GLUD1: variants seen among roughly 807,000 people sequenced by gnomAD.
GLUD1 encodes the protein glutamate dehydrogenase 1, mitochondrial.
Under a neutral mutation model 56.0 loss-of-function variants are expected in GLUD1, and 22 were observed. That is an observed-to-expected ratio of 0.39 (90% CI 0.28 to 0.56). The LOEUF is 0.56. GLUD1 is among the 20% of genes least tolerant of loss of function. GLUD1 has a pLI of 0.58. For synonymous variants in GLUD1, 223 were observed against 269.9 expected (o/e 0.83, Z 1.70); for missense variants, 451 against 732.0 (o/e 0.62, Z 4.43).
chr10:87,053,454 G>C, intron 11 of GLUD1, 50 bp from the exon 12 acceptor site: 1 of 1,159,592 alleles, frequency 8.6e-7, no homozygotes, highest in South Asian at 1.2e-5. Flanking sequence ...GACCTGCTTT[G>C]TGTCCCTGTA....
At position 87,051,592 on chromosome 10, in the gene GLUD1, T is replaced by C. The variant is rs763189776; in HGVS notation, c.*159A>G. ...TACATGATCCGCTAACCTTAATTTC[T>C]TTCTCCTTAACGGGCTGACTTGGAT... On this transcript the variant is annotated 3_prime_UTR_variant, in exon 13 of 13. Transcript: ENST00000277865. 2 of 857,510 alleles carry C rather than the reference T, an allele frequency of 2.3e-6. No homozygotes were observed. The highest frequency in any genetic ancestry group is 4.0e-6 in the Non-Finnish European group (2 of 496,982). 53.1% of individuals were successfully genotyped at this position (857,510 alleles called of 1,614,324 possible).
chr10:87,094,069 A>G lies in GLUD1; in HGVS notation c.445+256T>C. On this transcript the variant is annotated intron_variant, in intron 1 of 12. Transcript: ENST00000277865. The surrounding 1 kb of genome is among the most constrained non-coding windows in gnomAD (Gnocchi z 6.6). ...GAGACCGGTGCAGCGTCTACTCTGC[A>G]TGCAAGATCAGCATATACAGAGGCC... 1.3e-6 allele frequency: 2 copies of G among 1,515,960 alleles called. No individual in the cohort carries two copies. Among genetic ancestry groups the G allele is most frequent in the Non-Finnish European group, 1.8e-6 (2 of 1,134,508 alleles). The allele number at this position is 1,515,960 out of a possible 1,614,324, so 93.9% of individuals were successfully genotyped here. A position where few individuals can be genotyped will look rare whatever the true frequency, so the allele number is the denominator to read the frequency against.
chr10:87,058,399 G>A (rs1845843636), intron 10 of GLUD1, among the ~76,000 whole-genome samples: 1 of 152,172 alleles, frequency 6.6e-6, no homozygotes, highest in Admixed American at 6.5e-5. Flanking sequence ...GCTGAGTACA[G>A]AAGCTCAGTA....
At chr10:87,092,207 G>C (rs916161705) in intron 1 of GLUD1, among the ~76,000 whole-genome samples, 4 of 152,168 alleles carry the variant, frequency 2.6e-5, no homozygotes, top group African/African-American at 9.6e-5. Context: ...CTGATCATCT[G>C]TTTAGTATAC....
intron 3 of GLUD1, among the ~76,000 whole-genome samples, 182 bp from the exon 4 acceptor site, chr10:87,074,796 A>T (rs1328136519): frequency 1.3e-5 from 2 of 152,216 alleles, no homozygotes; most frequent in Admixed American, 1.3e-4. Flanking sequence ...TCAAAAAAGT[A>T]GGTTATAAAA....
At position 87,060,721 on chromosome 10, in the gene GLUD1, C is replaced by T. The variant is rs1282940205; in HGVS notation, c.1164G>A (p.Leu388=). Residue 388 remains leucine (L), a synonymous_variant, in exon 8 of 13, where the codon TTG becomes TTA. Transcript: ENST00000277865. Reference sequence around the variant, plus strand: ...TGACTCTGGGTGCGTTGGATTTGGTCAACTGCTTCTCACTGGCAGCTGGGA... The same window carrying T: ...TGACTCTGGGTGCGTTGGATTTGGTTAACTGCTTCTCACTGGCAGCTGGGA... The part of the protein sequence containing the change: ...ILIPAASEKQ[L]TKSNAPRVKA... 1 of 1,614,126 alleles carries T rather than the reference C, an allele frequency of 6.2e-7. No individual in the cohort carries two copies. The highest frequency in any genetic ancestry group is 1.1e-5 in the South Asian group (1 of 91,076).
chr10:87,055,302 A>T (rs1434961591), intron 11 of GLUD1, among the ~76,000 whole-genome samples: 1 of 152,096 alleles, frequency 6.6e-6, no homozygotes, highest in African/African-American at 2.4e-5. Flanking sequence ...TAAGTTAGAT[A>T]AGGAGGGAAG....
At chr10:87,061,779 C>T (rs375325387) in intron 6 of GLUD1, among the ~76,000 whole-genome samples, 1 of 150,816 alleles carries the variant, frequency 6.6e-6, no homozygotes, top group East Asian at 2.0e-4. Context: ...TCATGCCCAG[C>T]TAATTTTTCT....
chr10:87,062,152 A>C (rs973988988), intron 6 of GLUD1, among the ~76,000 whole-genome samples: 1 of 152,122 alleles, frequency 6.6e-6, no homozygotes, highest in Non-Finnish European at 1.5e-5. Flanking sequence ...TCCTGGCCTC[A>C]AGTGATCCAC....
chr10:87,092,962 A>G (rs778060576), intron 1 of GLUD1, among the ~76,000 whole-genome samples: 6 of 152,216 alleles, frequency 3.9e-5, no homozygotes, highest in Non-Finnish European at 8.8e-5. Context: ...ATTTTATACA[A>G]TTTTGAAGCT....
In GLUD1 at chr10:87,079,537, G is replaced by A. The variant is rs1381123854; in HGVS notation, c.446-2881C>T. 8.5e-5 allele frequency among the ~76,000 whole-genome samples: 13 copies of A among 152,234 alleles called. No individual in the cohort carries two copies. In the East Asian group the frequency reaches 2.3e-3, roughly 27 times the overall value. On this transcript the variant is annotated intron_variant, in intron 1 of 12. Transcript: ENST00000277865. ...TAAGTAATACCACATATTATTTAAT[G>A]ATAACTACACTAAGCCAGGGAAATG...
intron 1 of GLUD1, among the ~76,000 whole-genome samples, chr10:87,086,533 G>GA (rs1841385384): frequency 6.6e-6 from 1 of 152,118 alleles, no homozygotes; most frequent in East Asian, 1.9e-4. Context: ...AACATAAAAG[G>GA]AAAAAATTGG....
chr10:87,075,452 T>C (rs1009773443), intron 3 of GLUD1, among the ~76,000 whole-genome samples: 1 of 152,128 alleles, frequency 6.6e-6, no homozygotes, highest in African/African-American at 2.4e-5. Context: ...CAGAAAATGA[T>C]AAAGGATATA....
intron 11 of GLUD1, among the ~76,000 whole-genome samples, chr10:87,053,881 T>A (rs143965078): frequency 6.6e-6 from 1 of 152,218 alleles, no homozygotes; most frequent in African/African-American, 2.4e-5. Flanking sequence ...ATCTATTCAG[T>A]AGTGCCAGCA....
intron 10 of GLUD1, among the ~76,000 whole-genome samples, chr10:87,058,829 T>C (rs756577283): frequency 6.6e-6 from 1 of 151,890 alleles, no homozygotes; most frequent in Non-Finnish European, 1.5e-5. Context: ...AGGCGGAGGC[T>C]ACAGTAAGCC....
At chr10:87,054,009 G>A (rs1439212108) in intron 11 of GLUD1, among the ~76,000 whole-genome samples, 1 of 141,668 alleles carries the variant, frequency 7.1e-6, no homozygotes, top group Admixed American at 7.2e-5. Flanking sequence ...TATGACTCAG[G>A]GCCTCCACCA....
rs1343476542 is a variant in GLUD1 at position 87,051,600 on chromosome 10, T to A, written c.*151A>T. 4.4e-6 allele frequency: 4 copies of A among 902,574 alleles called. No individual in the cohort carries two copies. Among genetic ancestry groups the A allele is most frequent in the Non-Finnish European group, 7.5e-6 (4 of 534,870 alleles). The allele number at this position is 902,574 out of a possible 1,614,324, so 55.9% of individuals were successfully genotyped here. A position where few individuals can be genotyped will look rare whatever the true frequency, so the allele number is the denominator to read the frequency against. On this transcript the variant is annotated 3_prime_UTR_variant, in exon 13 of 13. Transcript: ENST00000277865. ...CCGCTAACCTTAATTTCTTTCTCCT[T>A]AACGGGCTGACTTGGATTGACTTGT...
At chr10:87,067,639 T>C (rs9420431) in intron 5 of GLUD1, 41,755 of 191,568 alleles carry the variant, frequency 0.22, 5,758 homozygotes, top group East Asian at 0.67. Context: ...ATTCTACCCA[T>C]TTTCAAGGTC....
intron 10 of GLUD1, 36 bp from the exon 11 acceptor site, chr10:87,057,818 ACAG>A: frequency 3.1e-6 from 3 of 975,320 alleles, no homozygotes; most frequent in Admixed American, 1.9e-5. Flanking sequence ...GATATTGCTA[ACAG>A]AAAAAAAAAA....
Sources: allele counts gnomAD v4.1 joint callset (sites outside exome capture counted in the v4.1 genomes callset), GRCh38; gene constraint gnomAD v4.1.1; non-coding constraint Gnocchi (gnomAD v3.1); transcripts MANE v1.5; gene names NCBI Gene and HGNC (gene_info 2026-07-23, HGNC 2026-07-21).